SKI: variants seen among roughly 807,000 people sequenced by gnomAD.
SKI encodes the protein ski oncogene.
A neutral mutation model predicts 59.3 loss-of-function variants in SKI; 23 were observed. That is an observed-to-expected ratio of 0.39 (90% confidence interval 0.28 to 0.55). SKI has a LOEUF of 0.55. Ranked by LOEUF, SKI falls within the 20% of genes least tolerant of loss-of-function variation. SKI has a pLI of 0.67. For missense variants in SKI, 1,017 were observed against 1,038.9 expected, an observed-to-expected ratio of 0.98 and a Z score of 0.29; for synonymous variants, 673 against 488.6, an observed-to-expected ratio of 1.38 and a Z score of -4.98.
intron 1 of SKI, among the ~76,000 whole-genome samples, chr1:2,299,115 A>G (rs1485894241): frequency 6.6e-6 from 1 of 152,238 alleles, no homozygotes; most frequent in Non-Finnish European, 1.5e-5. Context: ...CAGAAGGTTC[A>G]AGGAAGCGAC....
At position 2,303,422 on chromosome 1, in the gene SKI, G is replaced by A; in HGVS notation, c.1211+22G>A. The stretch of plus-strand genomic sequence containing the variant: ...ACAGGTGAGTGGGCGCCATTCACAG[G>A]TGTTTCTGATCACGGGGGAGGCTCC... On this transcript the variant is annotated intron_variant, in intron 3 of 6. Coordinates refer to ENST00000378536, the MANE Select transcript of SKI (RefSeq NM_003036.4). The surrounding 1 kb of genome is among the most constrained non-coding windows in gnomAD (Gnocchi z 5.6). 1 of 1,594,040 alleles carries A rather than the reference G, an allele frequency of 6.3e-7. No individual in the cohort carries two copies. The highest frequency in any genetic ancestry group is 1.7e-4 in the Middle Eastern group (1 of 6,028).
intron 1 of SKI, among the ~76,000 whole-genome samples, chr1:2,278,039 C>T (rs549856921): frequency 3.3e-5 from 5 of 152,374 alleles, no homozygotes; most frequent in African/African-American, 7.2e-5. Context: ...CACCCACTCC[C>T]GATGGCTTCG....
intron 1 of SKI, among the ~76,000 whole-genome samples, chr1:2,290,875 C>T (rs1270317781): frequency 1.3e-5 from 2 of 152,346 alleles, no homozygotes; most frequent in Non-Finnish European, 1.5e-5. Flanking sequence ...CCAAGAACCG[C>T]GACCGCAGCA....
At position 2,303,275 on chromosome 1, in the gene SKI, T is replaced by G. The variant is rs752587204; in HGVS notation, c.1096-10T>G. The G allele has an allele frequency of 1.9e-6, 3 of 1,612,874 alleles. No individual in the cohort carries two copies. The highest frequency in any genetic ancestry group is 2.5e-6 in the Non-Finnish European group (3 of 1,179,700). On this transcript the variant is annotated splice_polypyrimidine_tract_variant and intron_variant, in intron 2 of 6. Transcript: ENST00000378536. This position sits in a 1 kb window ranked among gnomAD's most constrained non-coding sequence, Gnocchi z 5.6. ...CCTGGTCACTCACACAGACAACTCT[T>G]TCTCGACAGAGCCTGGGCTGTGTTC... is the stretch of plus-strand genomic sequence containing the variant.
chr1:2,302,822 C>T (rs1640458771), intron 1 of SKI, among the ~76,000 whole-genome samples, 156 bp from the exon 2 acceptor site: 1 of 152,190 alleles, frequency 6.6e-6, no homozygotes. Context: ...AACTTGGTCT[C>T]CTGGGGGGTG....
At chr1:2,244,059 G>A (rs778344826) in intron 1 of SKI, among the ~76,000 whole-genome samples, 1 of 151,946 alleles carries the variant, frequency 6.6e-6, no homozygotes, top group Non-Finnish European at 1.5e-5. Flanking sequence ...TCCGCCTCCC[G>A]GGTTCATCCC....
intron 1 of SKI, among the ~76,000 whole-genome samples, chr1:2,241,813 C>G (rs1638881407): frequency 6.6e-6 from 1 of 152,218 alleles, no homozygotes; most frequent in South Asian, 2.1e-4. Flanking sequence ...CATTACCTTG[C>G]CTAACAAAGC....
intron 1 of SKI, among the ~76,000 whole-genome samples, chr1:2,272,631 C>T (rs1027015898): frequency 1.3e-5 from 2 of 152,206 alleles, no homozygotes; most frequent in African/African-American, 4.8e-5. Context: ...TAATTGATTG[C>T]CAAGAACCCC....
chr1:2,279,690 C>T (rs1306205950), intron 1 of SKI, among the ~76,000 whole-genome samples: 1 of 152,196 alleles, frequency 6.6e-6, no homozygotes. Context: ...GGCCCAGCCC[C>T]ACAGACAGAA....
Position 2,256,175 on chromosome 1 carries a change from T to C in SKI, c.969+26440T>C, listed in dbSNP as rs568387593. 4.0e-5 allele frequency among the ~76,000 whole-genome samples: 6 copies of C among 151,422 alleles called. 1 individual carries two copies. The South Asian group carries it at 1.3e-3, about 32-fold the overall frequency. ...GTGTCCTGACCTCATTTCTTATCTGTGCCACTCTGTGTCCTGACCTCATTT... is the reference window on the plus strand; with the variant it reads ...GTGTCCTGACCTCATTTCTTATCTGCGCCACTCTGTGTCCTGACCTCATTT... On this transcript the variant is annotated intron_variant, in intron 1 of 6. Coordinates refer to ENST00000378536, the MANE Select transcript of SKI (RefSeq NM_003036.4).
intron 1 of SKI, among the ~76,000 whole-genome samples, chr1:2,293,976 T>C (rs943523156): frequency 6.6e-6 from 1 of 152,234 alleles, no homozygotes; most frequent in East Asian, 1.9e-4. Flanking sequence ...GGGCTTTTCA[T>C]TCTCCTTTCA....
chr1:2,288,346 T>C (rs1640090087), intron 1 of SKI, among the ~76,000 whole-genome samples: 1 of 152,246 alleles, frequency 6.6e-6, no homozygotes, highest in Non-Finnish European at 1.5e-5. Context: ...GGTCTCTAAC[T>C]CCTAACCTCA....
At chr1:2,285,870 G>GTTTTT (rs77227502) in intron 1 of SKI, among the ~76,000 whole-genome samples, 1 of 102,698 alleles carries the variant, frequency 9.7e-6, no homozygotes. Flanking sequence ...CAGCCAGAAG[G>GTTTTT]TTTTTTTTTT....
In SKI at chr1:2,229,138, G is replaced by A. The variant is rs1638572856; in HGVS notation, c.372G>A (p.Pro124=). 6 of 1,611,468 alleles carry A rather than the reference G, an allele frequency of 3.7e-6. No individual in the cohort carries two copies. The highest frequency in any genetic ancestry group is 3.3e-4 in the Middle Eastern group (2 of 6,056). Residue 124 remains proline, a synonymous_variant, in exon 1 of 7, where the codon CCG becomes CCA. Coordinates refer to ENST00000378536, the MANE Select transcript of SKI (RefSeq NM_003036.4). This position sits in a 1 kb window ranked among gnomAD's most constrained non-coding sequence, Gnocchi z 6.3. ...VVGGEKRLCL[P]QILNSVLRDF... is the part of the protein sequence containing the mutation. The stretch of plus-strand genomic sequence containing the variant: ...GAGGCGAGAAGCGCCTGTGTCTGCC[G>A]CAGATTCTCAACTCGGTGCTGCGCG...
In SKI at chr1:2,269,636, C is replaced by T. The variant is rs909572360; in HGVS notation, c.970-33342C>T. Reference sequence around the variant, plus strand: ...ACTTTGGAATCGCCTCATGGCTGGCCCTGGACCTCTCCTCCTTCCTTCCTT... The same window carrying T: ...ACTTTGGAATCGCCTCATGGCTGGCTCTGGACCTCTCCTCCTTCCTTCCTT... On this transcript the variant is annotated intron_variant, in intron 1 of 6. Transcript: ENST00000378536. The surrounding 1 kb of genome is among the most constrained non-coding windows in gnomAD (Gnocchi z 4.7). 2.6e-5 allele frequency among the ~76,000 whole-genome samples: 4 copies of T among 152,254 alleles called. No individual in the cohort carries two copies. The highest frequency in any genetic ancestry group is 4.8e-5 in the African/African-American group (2 of 41,468).
intron 1 of SKI, among the ~76,000 whole-genome samples, chr1:2,256,596 T>G (rs1285716802): frequency 6.6e-6 from 1 of 152,246 alleles, no homozygotes; most frequent in Non-Finnish European, 1.5e-5. Context: ...ACTGTGCAGT[T>G]GGGTGCCTGG....
At chr1:2,284,312 C>T (rs1212503329) in intron 1 of SKI, among the ~76,000 whole-genome samples, 2 of 152,208 alleles carry the variant, frequency 1.3e-5, no homozygotes, top group African/African-American at 4.8e-5. Context: ...TGAGTTCCCT[C>T]CTCTCCCACC....
chr1:2,248,594 G>A (rs1276606911), intron 1 of SKI, among the ~76,000 whole-genome samples: 6 of 152,194 alleles, frequency 3.9e-5, no homozygotes, highest in Admixed American at 1.3e-4. Context: ...GAGGCGGGGC[G>A]GCGCTCTGCG....
Position 2,266,787 on chromosome 1 carries a change from C to T in SKI, c.970-36191C>T, listed in dbSNP as rs1005070503. 2.0e-5 allele frequency among the ~76,000 whole-genome samples: 3 copies of T among 152,316 alleles called. No individual in the cohort carries two copies. The South Asian group carries it at 6.2e-4, about 32-fold the overall frequency. ...TAGAAAATGAAGATGGTGCTGTCGT[C>T]ACAGCGGCCGGATATCTGTAGCTCG... is the stretch of plus-strand genomic sequence containing the variant. On this transcript the variant is annotated intron_variant, in intron 1 of 6. Coordinates refer to ENST00000378536, the MANE Select transcript of SKI (RefSeq NM_003036.4).
Sources: gnomAD v4.1 joint callset for allele counts (sites outside exome capture counted in the v4.1 genomes callset) on GRCh38, gnomAD v4.1.1 for gene constraint, Gnocchi (gnomAD v3.1) non-coding constraint, MANE v1.5 for transcripts, NCBI Gene and HGNC (gene_info 2026-07-23, HGNC 2026-07-21) for gene names.